Variants in CUBN observed in about 807,000 individuals in gnomAD.
CUBN encodes cubilin, also known as 460 kDa receptor.
In CUBN, 282 loss-of-function variants were observed where a neutral mutation model predicts 405.3. That is an observed-to-expected ratio of 0.70 (90% CI 0.63 to 0.77). CUBN has a LOEUF of 0.77. CUBN is among the 30% of genes least tolerant of loss of function. CUBN has a pLI of 0.00. For synonymous variants in CUBN, 1,684 were observed against 1,617.0 expected, an observed-to-expected ratio of 1.04 and a Z score of -0.99; for missense variants, 4,514 against 4,475.2, an observed-to-expected ratio of 1.01 and a Z score of -0.25.
At chr10:17,091,643 G>A (rs1313684598) in intron 14 of CUBN, among the ~76,000 whole-genome samples, 2 of 152,108 alleles carry the variant, frequency 1.3e-5, no homozygotes, top group Non-Finnish European at 2.9e-5. Context: ...TGCAAAAGAG[G>A]CTTTTAATGG....
At chr10:17,100,874 A>G (rs1331689641) in intron 13 of CUBN, among the ~76,000 whole-genome samples, 1 of 152,244 alleles carries the variant, frequency 6.6e-6, no homozygotes, top group African/African-American at 2.4e-5. Flanking sequence ...AATACTGAGC[A>G]TACAAGAATA....
chr10:17,090,892 T>C (rs2131285625), intron 14 of CUBN, among the ~76,000 whole-genome samples: 1 of 147,830 alleles, frequency 6.8e-6, no homozygotes, highest in East Asian at 2.0e-4. Context: ...TCACTATGAA[T>C]ATATAGGGTA....
Position 17,121,689 on chromosome 10 carries a change from A to T in CUBN, c.593+1106T>A, listed in dbSNP as rs1020862540. 4.6e-5 allele frequency among the ~76,000 whole-genome samples: 7 copies of T among 152,254 alleles called. No homozygotes were observed. In the East Asian group the frequency reaches 1.3e-3, roughly 29 times the overall value. ...TGTGCACATGTACCCTAAAACTTAAAGTATAATAATAATAAAATTTAAAAA... is the reference window on the plus strand; with the variant it reads ...TGTGCACATGTACCCTAAAACTTAATGTATAATAATAATAAAATTTAAAAA... On this transcript the variant is annotated intron_variant, in intron 6 of 66. Coordinates refer to ENST00000377833, the MANE Select transcript of CUBN (RefSeq NM_001081.4).
At chr10:17,067,998 A>G (rs1835650240) in intron 21 of CUBN, 66 bp downstream of exon 21, 4 of 1,313,180 alleles carry the variant, frequency 3.0e-6, no homozygotes, top group Non-Finnish European at 1.1e-6. Context: ...CAATTTTAAG[A>G]TCCTTCACTG....
At chr10:17,044,835 C>T (rs1429571786) in intron 25 of CUBN, among the ~76,000 whole-genome samples, 172 bp downstream of exon 25, 5 of 152,012 alleles carry the variant, frequency 3.3e-5, no homozygotes, top group East Asian at 1.9e-4. Context: ...TTGAGTACTT[C>T]GAAGATGGTC....
intron 60 of CUBN, among the ~76,000 whole-genome samples, chr10:16,850,617 G>A (rs879308879): frequency 2.0e-5 from 3 of 151,988 alleles, no homozygotes; most frequent in Non-Finnish European, 2.9e-5. Context: ...GACTACAGGC[G>A]CCCGCCGCCA....
In CUBN at chr10:17,061,551, T is replaced by A. The variant is rs1043464286; in HGVS notation, c.3139+3957A>T. ...CTTTGGGCATGTTTGTCATCATTTC[T>A]TAACTTTGCACTGCTAGATGCCTCT... On this transcript the variant is annotated intron_variant, in intron 22 of 66. Coordinates refer to ENST00000377833, the MANE Select transcript of CUBN (RefSeq NM_001081.4). Among the ~76,000 whole-genome samples, 3 of 152,338 alleles carry A rather than the reference T, an allele frequency of 2.0e-5. No individual in the cohort carries two copies. In the South Asian group the frequency reaches 6.2e-4, roughly 32 times the overall value.
intron 59 of CUBN, among the ~76,000 whole-genome samples, chr10:16,868,773 G>C (rs76896924): frequency 0.086 from 13,102 of 151,992 alleles, 685 homozygotes; most frequent in African/African-American, 0.15. Flanking sequence ...ACCTACCCCC[G>C]CTACATCACC....
At chr10:16,922,636 G>A (rs1282929713) in intron 43 of CUBN, among the ~76,000 whole-genome samples, 1 of 152,048 alleles carries the variant, frequency 6.6e-6, no homozygotes, top group Non-Finnish European at 1.5e-5. Flanking sequence ...ATCTCTTTTT[G>A]ACTCTGATCT....
chr10:16,979,368 G>T (rs774976781), intron 31 of CUBN, among the ~76,000 whole-genome samples: 5 of 152,036 alleles, frequency 3.3e-5, no homozygotes, highest in Non-Finnish European at 5.9e-5. Flanking sequence ...AACAAAAAAA[G>T]AGCCTGTACA....
intron 57 of CUBN, 30 bp from the exon 58 acceptor site, chr10:16,874,533 G>A (rs1840447294): frequency 1.2e-6 from 2 of 1,613,506 alleles, no homozygotes; most frequent in Non-Finnish European, 1.7e-6. Flanking sequence ...AATATGAAGA[G>A]AACAACGATT....
chr10:16,841,522 CCACT>C (rs1271619861), intron 60 of CUBN, among the ~76,000 whole-genome samples: 1 of 151,900 alleles, frequency 6.6e-6, no homozygotes, highest in East Asian at 1.9e-4. Flanking sequence ...TGCTTCCCAT[CCACT>C]CAATCAAACA....
Position 17,043,852 on chromosome 10 carries a change from A to C in CUBN, c.3804T>G (p.Arg1268=), listed in dbSNP as rs1221767762. The C allele has an allele frequency of 6.2e-7, 1 of 1,613,380 alleles. No homozygotes were observed. The highest frequency in any genetic ancestry group is 1.1e-5 in the South Asian group (1 of 91,076). Residue 1268 remains arginine, a synonymous_variant, in exon 26 of 67, where the codon CGT becomes CGG. Coordinates refer to ENST00000377833, the MANE Select transcript of CUBN (RefSeq NM_001081.4). ...TCTGCCGGTATTCAGCCTTGAAGCC[A>C]CGTCCTTGCTGACCTTCATCTGTCC... ...KLRTDEGQQG[R]GFKAEYRQTC... is the part of the protein sequence containing the mutation.
chr10:16,872,745 G>A (rs1479691233), intron 58 of CUBN, among the ~76,000 whole-genome samples: 2 of 152,312 alleles, frequency 1.3e-5, no homozygotes, highest in African/African-American at 4.8e-5. Context: ...CTACACATAT[G>A]AGAAACAAAT....
intron 17 of CUBN, among the ~76,000 whole-genome samples, chr10:17,083,104 AT>A (rs1222636637): frequency 1.3e-5 from 2 of 152,200 alleles, no homozygotes; most frequent in Non-Finnish European, 2.9e-5. Flanking sequence ...AATATTTGAA[AT>A]TCTTCCGTAG....
chr10:16,960,421 G>A (rs1439084331), intron 31 of CUBN, among the ~76,000 whole-genome samples: 2 of 152,118 alleles, frequency 1.3e-5, no homozygotes, highest in African/African-American at 4.8e-5. Flanking sequence ...GAACCCAGGA[G>A]GCAGAGGCTA....
intron 28 of CUBN, among the ~76,000 whole-genome samples, chr10:17,005,904 T>G (rs1171485683): frequency 1.3e-5 from 2 of 152,184 alleles, no homozygotes; most frequent in African/African-American, 4.8e-5. Flanking sequence ...TGAAGCTGAA[T>G]GGACTGTAAT....
chr10:16,827,014 T>C (rs1424345176), intron 66 of CUBN, among the ~76,000 whole-genome samples: 1 of 152,218 alleles, frequency 6.6e-6, no homozygotes, highest in East Asian at 1.9e-4. Context: ...GCACATTTAC[T>C]GGGGTCTCTC....
chr10:17,101,613 T>G (rs1836494911), intron 13 of CUBN, among the ~76,000 whole-genome samples: 1 of 152,244 alleles, frequency 6.6e-6, no homozygotes, highest in South Asian at 2.1e-4. Flanking sequence ...ATTTTATTTT[T>G]ATGAATCCAG....
Sources: allele counts gnomAD v4.1 joint callset (sites outside exome capture counted in the v4.1 genomes callset), GRCh38; gene constraint gnomAD v4.1.1; transcripts MANE v1.5; gene names NCBI Gene and HGNC (gene_info 2026-07-23, HGNC 2026-07-21).